The following TM9SF4 variants were observed in gnomAD, a reference collection of about 807,000 sequenced individuals.
TM9SF4 encodes dinucleotide oxidase disulfide thiol exchanger 3 superfamily member 4.
A neutral mutation model predicts 90.4 loss-of-function variants in TM9SF4; 26 were observed. The observed-to-expected ratio is 0.29, with a 90% CI of 0.21 to 0.40. TM9SF4 has a LOEUF of 0.40. Ranked by LOEUF, TM9SF4 falls within the 10% of genes least tolerant of loss-of-function variation. The pLI, the probability that TM9SF4 is intolerant of heterozygous loss-of-function variation, is 1.00. For missense variants in TM9SF4, 549 were observed against 834.8 expected (o/e 0.66, Z 4.22); for synonymous variants, 293 against 315.4 (o/e 0.93, Z 0.75).
intron 12 of TM9SF4, among the ~76,000 whole-genome samples, chr20:32,152,020 C>T (rs150955805): frequency 6.6e-6 from 1 of 151,676 alleles, no homozygotes; most frequent in Admixed American, 6.6e-5. Context: ...CACCACCACA[C>T]CTGGCTAATT....
At chr20:32,157,682 G>C in intron 13 of TM9SF4, 112 bp from the exon 14 acceptor site, 1 of 1,383,472 alleles carries the variant, frequency 7.2e-7, no homozygotes, top group South Asian at 1.3e-5. Context: ...GTGTGCTTCT[G>C]CTGCACAAGT....
intron 8 of TM9SF4, among the ~76,000 whole-genome samples, chr20:32,145,858 G>C (rs1378554126): frequency 1.3e-5 from 2 of 152,190 alleles, no homozygotes; most frequent in African/African-American, 4.8e-5. Context: ...CAGATCAACA[G>C]GGTGGCCAAA....
At chr20:32,146,715 T>C (rs551926735) in intron 8 of TM9SF4, 70 bp from the exon 9 acceptor site, 8 of 1,483,862 alleles carry the variant, frequency 5.4e-6, no homozygotes, top group Admixed American at 1.7e-5. Flanking sequence ...ACATCATGTC[T>C]AGGAGGGCAT....
chr20:32,117,041 T>C (rs763543616), intron 1 of TM9SF4, among the ~76,000 whole-genome samples: 9 of 151,076 alleles, frequency 6.0e-5, no homozygotes, highest in Non-Finnish European at 1.2e-4. Context: ...CTGGCCAACA[T>C]GGCGAAACCC....
chr20:32,161,762 A>G (rs1380316606), intron 17 of TM9SF4, among the ~76,000 whole-genome samples: 1 of 152,226 alleles, frequency 6.6e-6, no homozygotes, highest in Non-Finnish European at 1.5e-5. Flanking sequence ...AGGAGTTAAT[A>G]AAGATAAAAG....
intron 1 of TM9SF4, among the ~76,000 whole-genome samples, chr20:32,126,169 G>A (rs985036802): frequency 5.3e-5 from 8 of 151,232 alleles, no homozygotes; most frequent in African/African-American, 1.7e-4. Context: ...TAAAATTCCT[G>A]AGTCTCCTCA....
At chr20:32,124,480 G>C (rs1045466870) in intron 1 of TM9SF4, among the ~76,000 whole-genome samples, 1 of 152,198 alleles carries the variant, frequency 6.6e-6, no homozygotes, top group Non-Finnish European at 1.5e-5. Flanking sequence ...GCCAGTCTGG[G>C]TGGAACTGGA....
chr20:32,158,617 C>A, intron 15 of TM9SF4, 103 bp downstream of exon 15: 1 of 1,138,378 alleles, frequency 8.8e-7, no homozygotes, highest in Non-Finnish European at 1.3e-6. Flanking sequence ...TTCAGATGGG[C>A]CACTTCACCT....
chr20:32,110,959 C>T (rs2046134045), intron 1 of TM9SF4, among the ~76,000 whole-genome samples: 1 of 152,158 alleles, frequency 6.6e-6, no homozygotes. Context: ...GAGTGAATGA[C>T]AAGGAAGACT....
At chr20:32,123,843 C>T (rs903529249) in intron 1 of TM9SF4, among the ~76,000 whole-genome samples, 2 of 93,714 alleles carry the variant, frequency 2.1e-5, no homozygotes, top group Non-Finnish European at 4.1e-5. Context: ...TGTTCTCTCT[C>T]TCATATATAT....
rs1456777845 is a variant in TM9SF4, at chr20:32,109,749, G to T, written c.9G>T (p.Thr3=). The change falls in exon 1 of 18, where the codon ACG becomes ACT. Residue 3 remains threonine (T), a synonymous_variant. Coordinates refer to ENST00000398022, the MANE Select transcript of TM9SF4 (RefSeq NM_014742.4). MA[T]AMDWLPWSLL... is the part of the protein sequence containing the mutation. ...CGACACGTGGATCCAAGATGGCGAC[G>T]GCGATGGTGAGTGAAGGAGACTCCG... 1.2e-5 allele frequency: 18 copies of T among 1,551,540 alleles called. No individual in the cohort carries two copies. Among genetic ancestry groups the T allele is most frequent in the Non-Finnish European group, 1.4e-5 (16 of 1,147,002 alleles).
At chr20:32,133,176 G>A in intron 2 of TM9SF4, 50 bp downstream of exon 2, 1 of 1,549,524 alleles carries the variant, frequency 6.5e-7, no homozygotes, top group Non-Finnish European at 8.9e-7. Flanking sequence ...CAGTGTGTCT[G>A]GAGCACCATG....
intron 1 of TM9SF4, among the ~76,000 whole-genome samples, chr20:32,123,868 T>TATA (rs1161883493): frequency 6.7e-4 from 29 of 43,114 alleles, no homozygotes; most frequent in Non-Finnish European, 1.1e-3. Flanking sequence ...ATATATATAT[T>TATA]TTTTTTTTTA....
At chr20:32,114,154 T>A (rs761610829) in intron 1 of TM9SF4, among the ~76,000 whole-genome samples, 8 of 152,222 alleles carry the variant, frequency 5.3e-5, no homozygotes, top group Non-Finnish European at 8.8e-5. Context: ...ACATTCAGTT[T>A]CCATGGGTGT....
intron 3 of TM9SF4, 36 bp from the exon 4 acceptor site, chr20:32,141,461 T>G (rs777628278): frequency 1.2e-6 from 2 of 1,609,706 alleles, no homozygotes; most frequent in Non-Finnish European, 1.7e-6. Context: ...ACCTCAGGGC[T>G]GAAGCTCTGA....
intron 1 of TM9SF4, among the ~76,000 whole-genome samples, chr20:32,115,727 AAACCG>A (rs1363150036): frequency 8.6e-5 from 13 of 151,944 alleles, no homozygotes; most frequent in African/African-American, 2.9e-4. Flanking sequence ...GATTTTGGGA[AAACCG>A]TTTGCGCTTT....
rs1555882288 is a variant in TM9SF4, at chr20:32,123,867, T to TATATATATATA, written c.16-9146_16-9145insATATATATATA. ...TCTCATATATATATATATATATATA[T>TATATATATATA]TTTTTTTTTTAAAGAGATAGGGTCT... On this transcript the variant is annotated intron_variant, in intron 1 of 17. Coordinates refer to ENST00000398022, the MANE Select transcript of TM9SF4 (RefSeq NM_014742.4). 4.6e-4 allele frequency among the ~76,000 whole-genome samples: 22 copies of TATATATATATA among 48,026 alleles called. No homozygotes were observed. The East Asian group carries it at 0.07, about 152-fold the overall frequency. The allele number at this position is 48,026 out of a possible 152,430, so 31.5% of individuals were successfully genotyped here.
At chr20:32,121,678 C>T (rs1023514187) in intron 1 of TM9SF4, among the ~76,000 whole-genome samples, 2 of 152,348 alleles carry the variant, frequency 1.3e-5, no homozygotes, top group African/African-American at 2.4e-5. Flanking sequence ...TCCACAAAGC[C>T]GCCACTGTCA....
At chr20:32,125,218 G>T (rs1473196644) in intron 1 of TM9SF4, among the ~76,000 whole-genome samples, 1 of 152,128 alleles carries the variant, frequency 6.6e-6, no homozygotes, top group Admixed American at 6.5e-5. Context: ...CCCAAAACAA[G>T]TCCACCCCGC....
Sources: gnomAD v4.1 joint callset for allele counts (sites outside exome capture counted in the v4.1 genomes callset) on GRCh38, gnomAD v4.1.1 for gene constraint, MANE v1.5 for transcripts, NCBI Gene and HGNC (gene_info 2026-07-23, HGNC 2026-07-21) for gene names.